SP140L: variants seen among roughly 807,000 people sequenced by gnomAD.
SP140L encodes the protein nuclear body protein SP140-like protein.
Under a neutral mutation model 84.3 loss-of-function variants are expected in SP140L, and 64 were observed. The ratio of observed to expected loss-of-function variants is 0.76; its 90% CI spans 0.62 to 0.94. The LOEUF (loss-of-function observed/expected upper bound fraction) is 0.94. Ranked by LOEUF, SP140L falls within the 40% of genes least tolerant of loss-of-function variation. The pLI, the probability that SP140L is intolerant of heterozygous loss-of-function variation, is 0.00. For synonymous variants in SP140L, 242 were observed against 236.9 expected (o/e 1.02, Z -0.20); for missense variants, 628 against 692.5 (o/e 0.91, Z 1.05).
At chr2:230,358,774 G>T (rs899637060) in intron 3 of SP140L, among the ~76,000 whole-genome samples, 190 bp from the exon 4 acceptor site, 7 of 152,056 alleles carry the variant, frequency 4.6e-5, no homozygotes, top group African/African-American at 1.5e-4. Context: ...CTCATCAGTG[G>T]GTATTTTTAA....
chr2:230,385,142 C>A, intron 8 of SP140L, 82 bp from the exon 9 acceptor site: 1 of 1,367,390 alleles, frequency 7.3e-7, no homozygotes, highest in Non-Finnish European at 1.0e-6. Flanking sequence ...AAACCCAGGA[C>A]TCCCTCACTT....
At chr2:230,354,826 A>AGAC in intron 2 of SP140L, among the ~76,000 whole-genome samples, 2 of 148,556 alleles carry the variant, frequency 1.3e-5, no homozygotes, top group Admixed American at 6.8e-5. Flanking sequence ...AAAAAGAAAG[A>AGAC]AAGAGACAAG....
intron 9 of SP140L, 26 bp downstream of exon 9, chr2:230,385,330 C>T (rs556064541): frequency 6.8e-5 from 109 of 1,607,010 alleles, no homozygotes; most frequent in Non-Finnish European, 8.6e-5. Flanking sequence ...TACCACTTTT[C>T]ATTTGCCCTG....
intron 7 of SP140L, among the ~76,000 whole-genome samples, chr2:230,376,856 C>T (rs186985695): frequency 2.6e-4 from 39 of 152,118 alleles, no homozygotes; most frequent in Non-Finnish European, 3.7e-4. Context: ...ACAGTGCTGG[C>T]ATAAAAACAC....
intron 2 of SP140L, among the ~76,000 whole-genome samples, chr2:230,354,388 T>C (rs1026962377): frequency 6.6e-6 from 1 of 152,124 alleles, no homozygotes; most frequent in Non-Finnish European, 1.5e-5. Context: ...AAATTAGAAA[T>C]AGATAGGTAG....
chr2:230,353,971 C>G (rs1408531249), intron 2 of SP140L, among the ~76,000 whole-genome samples: 1 of 152,084 alleles, frequency 6.6e-6, no homozygotes, highest in Admixed American at 6.6e-5. Flanking sequence ...TATTGTTCCA[C>G]CATATCATTT....
Position 230,388,604 on chromosome 2 carries a change from G to A in SP140L, c.830G>A (p.Arg277Lys), listed in dbSNP as rs1180402118. 1 of 1,609,964 alleles carries A rather than the reference G, an allele frequency of 6.2e-7. No individual in the cohort carries two copies. Among genetic ancestry groups the A allele is most frequent in the Admixed American group, 1.7e-5 (1 of 59,496 alleles). ...KPGTHFTQSD[R>K]APQKRVRSRA... is the part of the protein sequence containing the mutation. ...GGAACCCACTTTACTCAGAGTGACAGAGCTCCACAGAAAAGAGTCCGATCA... is the reference window on the plus strand; with the variant it reads ...GGAACCCACTTTACTCAGAGTGACAAAGCTCCACAGAAAAGAGTCCGATCA... Residue 277 changes from arginine (R) to lysine (K), a missense_variant, in exon 10 of 19, where the codon AGA becomes AAA. Transcript: ENST00000415673.
chr2:230,339,996 G>A (rs2059991879), intron 2 of SP140L, among the ~76,000 whole-genome samples: 2 of 149,090 alleles, frequency 1.3e-5, no homozygotes, highest in South Asian at 2.1e-4. Context: ...TTCTGTAGAT[G>A]TCTATTAGGT....
At position 230,389,953 on chromosome 2, in the gene SP140L, T is replaced by G. The variant is rs1447721555; in HGVS notation, c.894T>G (p.Phe298Leu). 3 of 1,613,864 alleles carry G rather than the reference T, an allele frequency of 1.9e-6. No homozygotes were observed. The highest frequency in any genetic ancestry group is 1.1e-5 in the South Asian group (1 of 91,070). ...SRKHKDETVD[F>L]QAPLLPVTCG... ...AGCACAAAGATGAAACTGTGGATTT[T>G]CAGGCTCCTTTACTTCCAGTGACCT... is the stretch of plus-strand genomic sequence containing the variant. Residue 298 changes from phenylalanine to leucine, a missense_variant, in exon 11 of 19, where the codon TTT (phenylalanine) becomes TTG (leucine). This residue lies in a region of SP140L where 525 missense variants were observed against 518.4 expected (regional missense o/e 1.01). Transcript: ENST00000415673.
intron 2 of SP140L, among the ~76,000 whole-genome samples, chr2:230,341,655 T>C (rs2060046533): frequency 6.7e-6 from 1 of 150,088 alleles, no homozygotes; most frequent in Admixed American, 6.6e-5. Context: ...GATGGTGATG[T>C]ACAGATGGGT....
intron 2 of SP140L, among the ~76,000 whole-genome samples, chr2:230,341,267 G>C (rs868536315): frequency 0.047 from 6,127 of 131,272 alleles, 136 homozygotes; most frequent in Middle Eastern, 0.083. Context: ...GATACCCTTT[G>C]TTCCAGTTGA....
At chr2:230,362,934 G>A (rs2060764039) in intron 5 of SP140L, among the ~76,000 whole-genome samples, 1 of 151,998 alleles carries the variant, frequency 6.6e-6, no homozygotes, top group African/African-American at 2.4e-5. Flanking sequence ...TGGCAACTCA[G>A]ACACAGAATC....
chr2:230,330,317 A>G (rs745463289), intron 2 of SP140L, among the ~76,000 whole-genome samples: 12 of 152,194 alleles, frequency 7.9e-5, no homozygotes, highest in Non-Finnish European at 1.6e-4. Flanking sequence ...GTGGCCATAG[A>G]GGCAGGGTGT....
At chr2:230,343,875 T>C (rs2060134860) in intron 2 of SP140L, among the ~76,000 whole-genome samples, 2 of 152,232 alleles carry the variant, frequency 1.3e-5, no homozygotes, top group South Asian at 4.1e-4. Flanking sequence ...TTGATTGTGC[T>C]GTGATCTGAG....
chr2:230,386,539 G>A (rs987220435), intron 9 of SP140L, among the ~76,000 whole-genome samples: 3 of 152,158 alleles, frequency 2.0e-5, no homozygotes, highest in Non-Finnish European at 4.4e-5. Flanking sequence ...TAGGGTTTCA[G>A]TATTGTTAAA....
intron 3 of SP140L, 38 bp from the exon 4 acceptor site, chr2:230,358,926 G>A: frequency 1.3e-6 from 2 of 1,504,360 alleles, no homozygotes; most frequent in Non-Finnish European, 1.8e-6. Context: ...TAACTTGAAA[G>A]TCTGTATTTG....
intron 13 of SP140L, among the ~76,000 whole-genome samples, chr2:230,396,160 G>A (rs1027675858): frequency 4.6e-5 from 7 of 152,212 alleles, no homozygotes; most frequent in African/African-American, 1.7e-4. Flanking sequence ...AGGACAAGTA[G>A]AGCTTCTCTG....
At chr2:230,385,092 A>G in intron 8 of SP140L, 132 bp from the exon 9 acceptor site, 1 of 755,922 alleles carries the variant, frequency 1.3e-6, no homozygotes, top group African/African-American at 1.8e-5. Flanking sequence ...TCCCCAAAGC[A>G]GAAAATGCTC....
intron 12 of SP140L, 21 bp from the exon 13 acceptor site, chr2:230,393,393 C>G: frequency 1.3e-6 from 2 of 1,576,984 alleles, no homozygotes; most frequent in Non-Finnish European, 8.6e-7. Flanking sequence ...GACTATGTAC[C>G]TTGGTCTTTT....
Sources: allele counts gnomAD v4.1 joint callset (sites outside exome capture counted in the v4.1 genomes callset), GRCh38; gene constraint gnomAD v4.1.1; regional missense constraint gnomAD v4.1.1; transcripts MANE v1.5; gene names NCBI Gene and HGNC (gene_info 2026-07-23, HGNC 2026-07-21).